Variants in SUPV3L1 observed in about 807,000 individuals in gnomAD.
The protein encoded by SUPV3L1 is Suv3 like RNA helicase.
A neutral mutation model predicts 70.0 loss-of-function variants in SUPV3L1; 35 were observed. The ratio of observed to expected loss-of-function variants is 0.50; its 90% CI spans 0.38 to 0.66. SUPV3L1 has a LOEUF of 0.66. SUPV3L1 is among the 30% of genes least tolerant of loss of function. SUPV3L1 has a pLI of 0.00. For missense variants in SUPV3L1, 777 were observed against 961.5 expected, an observed-to-expected ratio of 0.81 and a Z score of 2.54; for synonymous variants, 364 against 341.9, an observed-to-expected ratio of 1.06 and a Z score of -0.71.
intron 10 of SUPV3L1, among the ~76,000 whole-genome samples, chr10:69,199,461 A>C (rs1309048429): frequency 6.6e-6 from 1 of 152,168 alleles, no homozygotes; most frequent in Non-Finnish European, 1.5e-5. Flanking sequence ...AGCTCAGTGC[A>C]GTCTTGAACT....
intron 6 of SUPV3L1, 101 bp downstream of exon 6, chr10:69,191,867 T>C (rs1842408346): frequency 1.2e-6 from 1 of 829,318 alleles, no homozygotes; most frequent in Admixed American, 2.6e-5. Context: ...AATGCAATGG[T>C]ACTATCTCGG....
In SUPV3L1 at chr10:69,188,219, AAC is replaced by A. The variant is rs1842287846; in HGVS notation, c.572+464_572+465del. 4.6e-5 allele frequency among the ~76,000 whole-genome samples: 7 copies of A among 152,308 alleles called. No individual in the cohort carries two copies. In the South Asian group the frequency reaches 1.4e-3, roughly 32 times the overall value. ...AGCCCTTGGCCAGGAATTCGCAGGG[AAC>A]CCCCACACAGACTTCTGGGCTCTCC... On this transcript the variant is annotated intron_variant, in intron 4 of 14. Transcript: ENST00000359655.
In SUPV3L1 at chr10:69,197,088, T is replaced by A. The variant is rs1367042762; in HGVS notation, c.1023+5T>A. 3.1e-6 allele frequency: 5 copies of A among 1,613,280 alleles called. No individual in the cohort carries two copies. The highest frequency in any genetic ancestry group is 3.4e-6 in the Non-Finnish European group (4 of 1,179,384). The stretch of plus-strand genomic sequence containing the variant: ...ACAACGGGGGAGGAAGTGGAGGTAT[T>A]CGATTAGATGCTTTGTTCTCCAGGT... On this transcript the variant is annotated splice_donor_5th_base_variant and intron_variant, in intron 8 of 14. Transcript: ENST00000359655.
Position 69,180,302 on chromosome 10 carries a change from C to T in SUPV3L1, c.11C>T (p.Ser4Phe), listed in dbSNP as rs756564151. 5 of 1,613,634 alleles carry T rather than the reference C, an allele frequency of 3.1e-6. No homozygotes were observed. The highest frequency in any genetic ancestry group is 4.2e-6 in the Non-Finnish European group (5 of 1,179,920). Reference sequence around the variant, plus strand: ...GAACCTGCGGCCTCGATGTCCTTCTCCCGTGCCCTATTGTGGGCTCGGCTC... The same window carrying T: ...GAACCTGCGGCCTCGATGTCCTTCTTCCGTGCCCTATTGTGGGCTCGGCTC... MSFSRALLWARLPA... is the reference protein window; with the variant it reads MSFFRALLWARLPA... Residue 4 changes from serine to phenylalanine, a missense_variant, in exon 1 of 15, where the codon TCC becomes TTC. Physicochemically the swap from Ser to Phe is radical, Grantham distance 155 (BLOSUM62 -2). Coordinates refer to ENST00000359655, the MANE Select transcript of SUPV3L1 (RefSeq NM_003171.5).
intron 5 of SUPV3L1, 135 bp downstream of exon 5, chr10:69,189,570 G>A: frequency 1.3e-6 from 1 of 792,544 alleles, no homozygotes; most frequent in East Asian, 3.3e-5. Context: ...GCTGTCAATT[G>A]TAAGATGTAC....
At chr10:69,190,457 A>G (rs1220008691) in intron 5 of SUPV3L1, among the ~76,000 whole-genome samples, 2 of 151,746 alleles carry the variant, frequency 1.3e-5, no homozygotes, top group Admixed American at 6.6e-5. Context: ...AGTTTGAGCA[A>G]TTTACATACA....
intron 12 of SUPV3L1, 27 bp downstream of exon 12, chr10:69,202,546 C>T: frequency 1.3e-6 from 2 of 1,597,424 alleles, no homozygotes; most frequent in Non-Finnish European, 1.7e-6. Context: ...TTTCACATCT[C>T]CCCTAAAAAT....
chr10:69,198,407 G>T lies in SUPV3L1; in HGVS notation c.1059G>T (p.Val353=). 1 of 1,613,870 alleles carries T rather than the reference G, an allele frequency of 6.2e-7. No individual in the cohort carries two copies. Among genetic ancestry groups the T allele is most frequent in the Non-Finnish European group, 8.5e-7 (1 of 1,179,954 alleles). The change falls in exon 9 of 15, where the codon GTG becomes GTT. Residue 353 remains valine, a synonymous_variant. Transcript: ENST00000359655. The part of the protein sequence containing the change: ...RDYKRLTPIS[V]LDHALESLDN... ...ATAAGAGGCTTACCCCCATTTCTGT[G>T]CTGGACCATGCACTAGAATCTTTAG...
chr10:69,187,432 A>T, intron 3 of SUPV3L1: 1 of 263,866 alleles, frequency 3.8e-6, no homozygotes, highest in Non-Finnish European at 6.8e-6. Context: ...CTCAGTGTGT[A>T]GCCTCAACCT....
intron 9 of SUPV3L1, 99 bp downstream of exon 9, chr10:69,198,651 G>A: frequency 1.8e-6 from 2 of 1,126,224 alleles, no homozygotes; most frequent in Admixed American, 2.5e-5. Flanking sequence ...ATTGAATTAA[G>A]CTGCTTGATG....
intron 1 of SUPV3L1, 125 bp from the exon 2 acceptor site, chr10:69,185,862 A>T: frequency 1.3e-6 from 1 of 760,080 alleles, no homozygotes; most frequent in South Asian, 1.5e-5. Context: ...ATCGACTAAA[A>T]CCTTCTAGTT....
Position 69,200,469 on chromosome 10 carries a change from A to G in SUPV3L1, c.1488A>G (p.Glu496=). 1 of 1,614,038 alleles carries G rather than the reference A, an allele frequency of 6.2e-7. No individual in the cohort carries two copies. Among genetic ancestry groups the G allele is most frequent in the Non-Finnish European group, 8.5e-7 (1 of 1,179,998 alleles). ...MNHEDLSLLK[E]ILKRPVDPIR... is the part of the protein sequence containing the mutation. The stretch of plus-strand genomic sequence containing the variant: ...ATGAAGATCTCAGTTTATTAAAGGA[A>G]ATTTTGAAGAGGCCTGTGGATCCTA... The change falls in exon 11 of 15, where the codon GAA becomes GAG. Residue 496 remains glutamate, a synonymous_variant. Transcript: ENST00000359655.
At chr10:69,205,463 C>T (rs780117819) in intron 13 of SUPV3L1, among the ~76,000 whole-genome samples, 4 of 152,238 alleles carry the variant, frequency 2.6e-5, no homozygotes, top group Non-Finnish European at 4.4e-5. Context: ...TAACCCCAAA[C>T]TCCTGGGCTC....
Position 69,180,524 on chromosome 10 carries a change from G to C in SUPV3L1, c.233G>C (p.Gly78Ala). The C allele has an allele frequency of 6.2e-7, 1 of 1,614,214 alleles. No homozygotes were observed. The highest frequency in any genetic ancestry group is 8.5e-7 in the Non-Finnish European group (1 of 1,180,046). The change falls in exon 1 of 15, where the codon GGC becomes GCC. Residue 78 changes from glycine (G) to alanine (A), a missense_variant. By Grantham distance (60) the Gly-to-Ala change is moderately conservative. Transcript: ENST00000359655. ...TVKPQGPSAD[G>A]DVGAELTRPL... is the part of the protein sequence containing the mutation. Reference sequence around the variant, plus strand: ...AAACCTCAGGGCCCCAGCGCCGACGGCGACGTCGGGGCCGAGCTAACCCGG... The same window carrying C: ...AAACCTCAGGGCCCCAGCGCCGACGCCGACGTCGGGGCCGAGCTAACCCGG...
Position 69,207,977 on chromosome 10 carries a change from C to G in SUPV3L1, c.1925+36C>G, listed in dbSNP as rs773962638. On this transcript the variant is annotated intron_variant, in intron 14 of 14. Transcript: ENST00000359655. ...TTTTCCTTTATGTGCTCTCATTTTT[C>G]TAGTAGGACAAATTAAAGGTTTTAT... 2.5e-6 allele frequency: 4 copies of G among 1,593,998 alleles called. No individual in the cohort carries two copies. The South Asian group carries it at 4.5e-5, about 18-fold the overall frequency.
chr10:69,199,236 G>A (rs1188558584), intron 10 of SUPV3L1, 39 bp downstream of exon 10: 9 of 1,483,970 alleles, frequency 6.1e-6, no homozygotes, highest in Non-Finnish European at 8.3e-6. Context: ...TATTTGGTGA[G>A]TTAAATGGTG....
At chr10:69,181,966 CT>C (rs1842076455) in intron 1 of SUPV3L1, among the ~76,000 whole-genome samples, 1 of 148,510 alleles carries the variant, frequency 6.7e-6, no homozygotes. Flanking sequence ...AAAATTTACT[CT>C]TTTAAGCTTT....
At chr10:69,188,250 T>G (rs772947118) in intron 4 of SUPV3L1, among the ~76,000 whole-genome samples, 1 of 152,210 alleles carries the variant, frequency 6.6e-6, no homozygotes, top group Non-Finnish European at 1.5e-5. Context: ...GCTCTCCTTC[T>G]ATGCACCCTT....
chr10:69,195,493 T>A, intron 7 of SUPV3L1: 1 of 382,108 alleles, frequency 2.6e-6, no homozygotes. Flanking sequence ...AGTTAAAATG[T>A]TCAAATCTCA....
Sources: gnomAD v4.1 joint callset for allele counts (sites outside exome capture counted in the v4.1 genomes callset) on GRCh38, gnomAD v4.1.1 for gene constraint, MANE v1.5 for transcripts, NCBI Gene and HGNC (gene_info 2026-07-23, HGNC 2026-07-21) for gene names.